The following SDK1 variants were observed in gnomAD, a reference collection of about 807,000 sequenced individuals.
The protein encoded by SDK1 is sidekick cell adhesion molecule 1, also known as protein sidekick-1.
In SDK1, 157 loss-of-function variants were observed where a neutral mutation model predicts 245.5. The observed-to-expected ratio is 0.64, with a 90% confidence interval of 0.56 to 0.73. SDK1 has a LOEUF of 0.73. Ranked by LOEUF, SDK1 falls within the 30% of genes least tolerant of loss-of-function variation. The probability of loss-of-function intolerance (pLI) is 0.00; values close to 1 mark genes in which losing one functional copy is unlikely to be tolerated. For missense variants in SDK1, 3,583 were observed against 3,002.3 expected (o/e 1.19, Z -4.52); for synonymous variants, 1,647 against 1,278.5 (o/e 1.29, Z -6.15).
chr7:3,812,740 G>A (rs1774336827), intron 4 of SDK1, among the ~76,000 whole-genome samples: 2 of 152,096 alleles, frequency 1.3e-5, no homozygotes, highest in Admixed American at 1.3e-4. Flanking sequence ...ACCCTTTCCT[G>A]AAGAATCACA....
At chr7:3,742,382 C>T (rs977876861) in intron 4 of SDK1, among the ~76,000 whole-genome samples, 3 of 152,122 alleles carry the variant, frequency 2.0e-5, no homozygotes, top group African/African-American at 7.2e-5. Flanking sequence ...ACGTGTTCCT[C>T]CCAGCTCTAC....
chr7:3,322,305 T>G (rs1779837578), intron 1 of SDK1, among the ~76,000 whole-genome samples: 1 of 152,220 alleles, frequency 6.6e-6, no homozygotes, highest in Non-Finnish European at 1.5e-5. Flanking sequence ...GGTTGTGTTT[T>G]GTCATTACAT....
chr7:3,723,924 G>GTATACATATA (rs1554254531), intron 4 of SDK1, among the ~76,000 whole-genome samples: 2 of 65,302 alleles, frequency 3.1e-5, no homozygotes, highest in African/African-American at 7.0e-5. Context: ...ATATATACAC[G>GTATACATATA]TATATATATA....
intron 1 of SDK1, among the ~76,000 whole-genome samples, chr7:3,389,583 G>T (rs772274056): frequency 2.1e-4 from 32 of 152,126 alleles, no homozygotes; most frequent in Non-Finnish European, 4.0e-4. Flanking sequence ...TAGGTCTATT[G>T]TAGTTTGTTA....
intron 1 of SDK1, among the ~76,000 whole-genome samples, chr7:3,344,796 G>A (rs1238645605): frequency 1.3e-5 from 2 of 152,180 alleles, no homozygotes; most frequent in African/African-American, 4.8e-5. Flanking sequence ...AGTTCTGAGA[G>A]AATGAACGTA....
intron 25 of SDK1, 86 bp downstream of exon 25, chr7:4,114,360 G>C: frequency 9.5e-7 from 1 of 1,052,368 alleles, no homozygotes; most frequent in Non-Finnish European, 1.4e-6. Context: ...CAGGCTAGTG[G>C]CGTCTCATTG....
At chr7:3,986,066 C>T (rs1783806421) in intron 13 of SDK1, among the ~76,000 whole-genome samples, 1 of 152,048 alleles carries the variant, frequency 6.6e-6, no homozygotes, top group African/African-American at 2.4e-5. Flanking sequence ...GGGTCCTGCT[C>T]CGGATTCAGG....
chr7:3,626,396 G>T (rs1782122487), intron 2 of SDK1, among the ~76,000 whole-genome samples: 1 of 152,230 alleles, frequency 6.6e-6, no homozygotes, highest in African/African-American at 2.4e-5. Context: ...TTATTCAAGA[G>T]AGTTAGTAGA....
chr7:3,384,914 G>C (rs1781573352), intron 1 of SDK1, among the ~76,000 whole-genome samples: 2 of 152,198 alleles, frequency 1.3e-5, no homozygotes, highest in African/African-American at 4.8e-5. Flanking sequence ...AAATGGATGA[G>C]AGAGTTTCAC....
At chr7:3,923,332 A>T (rs1779659131) in intron 5 of SDK1, among the ~76,000 whole-genome samples, 3 of 152,078 alleles carry the variant, frequency 2.0e-5, no homozygotes. Context: ...ATTTTGCCAC[A>T]TTAATGAATG....
chr7:3,461,152 G>T (rs995371766), intron 1 of SDK1, among the ~76,000 whole-genome samples: 1 of 152,118 alleles, frequency 6.6e-6, no homozygotes, highest in Admixed American at 6.6e-5. Context: ...GCAATCCCTT[G>T]TTGAGTTAGA....
chr7:4,110,570 A>T, intron 22 of SDK1, 93 bp from the exon 23 acceptor site: 1 of 884,344 alleles, frequency 1.1e-6, no homozygotes, highest in Non-Finnish European at 1.9e-6. Context: ...AGCCCTGCCC[A>T]GCTCACCAGG....
chr7:4,010,875 A>G, intron 14 of SDK1, 91 bp from the exon 15 acceptor site: 1 of 1,333,778 alleles, frequency 7.5e-7, no homozygotes. Flanking sequence ...TAAGCAAATG[A>G]GATGTTCCCT....
At chr7:3,612,199 C>T (rs147166754) in intron 1 of SDK1, among the ~76,000 whole-genome samples, 3 of 152,104 alleles carry the variant, frequency 2.0e-5, no homozygotes, top group Non-Finnish European at 4.4e-5. Context: ...AGAACTTACT[C>T]GTGTAACCAA....
At chr7:3,774,794 TC>T (rs1780503556) in intron 4 of SDK1, among the ~76,000 whole-genome samples, 1 of 152,226 alleles carries the variant, frequency 6.6e-6, no homozygotes, top group African/African-American at 2.4e-5. Flanking sequence ...TTACTCTTTG[TC>T]CAGCCTTATA....
chr7:3,557,143 A>G (rs1338183357), intron 1 of SDK1, among the ~76,000 whole-genome samples: 2 of 151,972 alleles, frequency 1.3e-5, no homozygotes, highest in East Asian at 1.9e-4. Context: ...GAAACAGTAG[A>G]AAAAAAATCA....
At chr7:3,744,712 T>C (rs893338926) in intron 4 of SDK1, among the ~76,000 whole-genome samples, 14 of 151,812 alleles carry the variant, frequency 9.2e-5, no homozygotes, top group Non-Finnish European at 1.9e-4. Context: ...CTCGGGAGGC[T>C]GAGGCAGGAG....
intron 10 of SDK1, 21 bp from the exon 11 acceptor site, chr7:3,969,236 C>CT (rs1161332173): frequency 3.2e-6 from 5 of 1,560,690 alleles, no homozygotes; most frequent in Non-Finnish European, 4.3e-6. Flanking sequence ...TAACATGCCT[C>CT]TTTTCTCCAC....
At chr7:4,104,558 G>C (rs1437025455) in intron 22 of SDK1, among the ~76,000 whole-genome samples, 1 of 152,122 alleles carries the variant, frequency 6.6e-6, no homozygotes, top group Non-Finnish European at 1.5e-5. Context: ...ATCTTATTGA[G>C]CATTCTTTCT....
Sources: allele counts gnomAD v4.1 joint callset (sites outside exome capture counted in the v4.1 genomes callset), GRCh38; gene constraint gnomAD v4.1.1; transcripts MANE v1.5; gene names NCBI Gene and HGNC (gene_info 2026-07-23, HGNC 2026-07-21).